ZNF177: variants seen among roughly 807,000 people sequenced by gnomAD.
The protein encoded by ZNF177 is zinc finger protein 177.
In ZNF177, 17 loss-of-function variants were observed where a neutral mutation model predicts 19.4. The ratio of observed to expected loss-of-function variants is 0.87; its 90% CI spans 0.60 to 1.31. The LOEUF (loss-of-function observed/expected upper bound fraction) is 1.31, where lower values mean the gene tolerates loss of function less well. ZNF177 is among the 40% of genes most tolerant of loss of function. The pLI is 0.00. For missense variants in ZNF177, 633 were observed against 561.8 expected, an observed-to-expected ratio of 1.13 and a Z score of -1.28; for synonymous variants, 220 against 188.7, an observed-to-expected ratio of 1.17 and a Z score of -1.36.
rs149653717 is a variant in ZNF177 at position 9,381,967 on chromosome 19, T to C, written c.*190T>C. On this transcript the variant is annotated 3_prime_UTR_variant, in exon 6 of 6. Transcript: ENST00000589262. Reference sequence around the variant, plus strand: ...TTTATCAGTGAGTATTTCATTCTTATATGTGTCACAACTGTAGATCCTATG... The same window carrying C: ...TTTATCAGTGAGTATTTCATTCTTACATGTGTCACAACTGTAGATCCTATG... The C allele has an allele frequency of 5.9e-4, 494 of 840,016 alleles. No homozygotes were observed. The African/African-American group carries it at 7.0e-3, about 12-fold the overall frequency. 52.0% of individuals were successfully genotyped at this position (840,016 alleles called of 1,614,324 possible). A position where few individuals can be genotyped will look rare whatever the true frequency, so the allele number is the denominator to read the frequency against.
upstream of ZNF177, among the ~76,000 whole-genome samples, chr19:9,373,432 A>G (rs926876984): frequency 3.3e-5 from 5 of 152,200 alleles, no homozygotes; most frequent in Non-Finnish European, 7.3e-5. Context: ...CCTCTTTAAG[A>G]TATTGATTTC....
At chr19:9,380,628 T>A (rs1364365813) in intron 5 of ZNF177, 40 bp from the exon 8 acceptor site, 63 of 1,535,694 alleles carry the variant, frequency 4.1e-5, no homozygotes, top group Non-Finnish European at 5.3e-5. Context: ...AAGGTGAAAG[T>A]GAAAAAGCCT....
intron 2 of ZNF177, among the ~76,000 whole-genome samples, chr19:9,370,052 G>A (rs544778815): frequency 6.6e-6 from 1 of 152,184 alleles, no homozygotes; most frequent in African/African-American, 2.4e-5. Context: ...GTACTTTTAA[G>A]TTACTTCTGT....
chr19:9,372,347 T>A (rs1192883974), upstream of ZNF177, among the ~76,000 whole-genome samples: 1 of 152,126 alleles, frequency 6.6e-6, no homozygotes, highest in Non-Finnish European at 1.5e-5. Context: ...AGTTCCTTGC[T>A]TCACGCTTTC....
In ZNF177 at chr19:9,380,609, C is replaced by T. The variant is rs2122562273; in HGVS notation, c.337-59C>T. Reference sequence around the variant, plus strand: ...GGCAGAATCCTCATGGAAGAGAATTCCTGTGAATAAGGTGAAAGTGAAAAA... The same window carrying T: ...GGCAGAATCCTCATGGAAGAGAATTTCTGTGAATAAGGTGAAAGTGAAAAA... On this transcript the variant is annotated intron_variant, in intron 5 of 5. Coordinates refer to ENST00000589262, the Ensembl canonical transcript of ZNF177. 4 of 1,535,762 alleles carry T rather than the reference C, an allele frequency of 2.6e-6. No individual in the cohort carries two copies. The South Asian group carries it at 4.8e-5, about 18-fold the overall frequency.
chr19:9,381,275 A>G, exon 6 of ZNF177: 1 of 1,613,924 alleles, frequency 6.2e-7, no homozygotes, highest in Non-Finnish European at 8.5e-7. Flanking sequence ...TATGAGTGTG[A>G]TCACTGTGGA....
chr19:9,381,910 C>A, exon 6 of ZNF177: 1 of 1,330,700 alleles, frequency 7.5e-7, no homozygotes, highest in East Asian at 2.3e-5. Flanking sequence ...TATACTGGGA[C>A]AAACCTTATA....
At chr19:9,372,950 A>G (rs2122519849), upstream of ZNF177, among the ~76,000 whole-genome samples, 1 of 152,258 alleles carries the variant, frequency 6.6e-6, no homozygotes, top group Middle Eastern at 3.4e-3. Flanking sequence ...GTTTTGATCT[A>G]CCTGTCCATT....
intron 2 of ZNF177, among the ~76,000 whole-genome samples, chr19:9,369,612 AT>A (rs1330509811): frequency 6.6e-6 from 1 of 151,940 alleles, no homozygotes; most frequent in Non-Finnish European, 1.5e-5. Flanking sequence ...ACAGTCAGAC[AT>A]TTTTTACCAT....
intron 5 of ZNF177, 46 bp downstream of exon 7, chr19:9,380,185 G>A: frequency 1.3e-6 from 2 of 1,560,366 alleles, no homozygotes; most frequent in Non-Finnish European, 8.6e-7. Flanking sequence ...GTAGAAGTCT[G>A]GGAATCTGAA....
At chr19:9,379,721 GCTTC>G (rs2068163291) in intron 4 of ZNF177, 102 bp downstream of exon 6, 1 of 1,352,946 alleles carries the variant, frequency 7.4e-7, no homozygotes, top group African/African-American at 1.5e-5. Flanking sequence ...CATGACATGA[GCTTC>G]CTTCCTGTTT....
chr19:9,369,420 C>T (rs1222277316), intron 2 of ZNF177, among the ~76,000 whole-genome samples: 1 of 152,012 alleles, frequency 6.6e-6, no homozygotes, highest in African/African-American at 2.4e-5. Flanking sequence ...AGCAAACAAA[C>T]TTTATTTTGG....
intron 2 of ZNF177, among the ~76,000 whole-genome samples, chr19:9,371,091 T>C (rs1050221927): frequency 6.6e-6 from 1 of 152,206 alleles, no homozygotes; most frequent in African/African-American, 2.4e-5. Flanking sequence ...CCCCCCAGAT[T>C]TGTTTTTAAA....
downstream of ZNF177, chr19:9,382,469 C>T (rs868182351): frequency 2.5e-6 from 1 of 398,540 alleles, no homozygotes. Context: ...TTGCACTAAT[C>T]CTGTGCTGCT....
chr19:9,374,807 A>G (rs2068089884), upstream of ZNF177, among the ~76,000 whole-genome samples: 1 of 152,096 alleles, frequency 6.6e-6, no homozygotes, highest in Non-Finnish European at 1.5e-5. Context: ...TACAAACATA[A>G]TTTTACTTCT....
chr19:9,382,393 T>C (rs1054367743), downstream of ZNF177: 2 of 398,752 alleles, frequency 5.0e-6, no homozygotes, highest in African/African-American at 2.1e-5. Context: ...AGAAAATATA[T>C]ACACCAAGAG....
At chr19:9,382,458 G>A (rs1190281001), downstream of ZNF177, 4 of 398,424 alleles carry the variant, frequency 1.0e-5, no homozygotes, top group Non-Finnish European at 1.3e-5. Flanking sequence ...ATATTATCTG[G>A]TTGCACTAAT....
In ZNF177 at chr19:9,379,518, C is replaced by T. The variant is rs764023238; in HGVS notation, c.161-9C>T. On this transcript the variant is annotated splice_polypyrimidine_tract_variant and intron_variant, in intron 3 of 5. Coordinates refer to ENST00000589262, the Ensembl canonical transcript of ZNF177. ...ATTTCTCCCACATCCTTGCTTTCTG[C>T]GTGAGCAGGGTATCAGCTCTGCAGA... 30 of 1,611,268 alleles carry T rather than the reference C, an allele frequency of 1.9e-5. No homozygotes were observed. The highest frequency in any genetic ancestry group is 6.7e-5 in the Admixed American group (4 of 59,330).
intron 1 of ZNF177, among the ~76,000 whole-genome samples, chr19:9,364,163 T>G (rs901619909): frequency 1.3e-5 from 2 of 152,336 alleles, no homozygotes; most frequent in Non-Finnish European, 2.9e-5. Flanking sequence ...GGCAAGTTTT[T>G]GGGCTCTATT....
Sources: gnomAD v4.1 joint callset for allele counts (sites outside exome capture counted in the v4.1 genomes callset) on GRCh38, gnomAD v4.1.1 for gene constraint, MANE v1.5 for transcripts, NCBI Gene and HGNC (gene_info 2026-07-23, HGNC 2026-07-21) for gene names.